The following SH3BP5 variants were observed in gnomAD, a reference collection of about 807,000 sequenced individuals.
SH3BP5 encodes the protein SH3 domain-binding protein 5.
SH3BP5 carries 22 observed loss-of-function variants against 43.3 expected under a neutral mutation model. The ratio of observed to expected loss-of-function variants is 0.51; its 90% confidence interval spans 0.36 to 0.73. The LOEUF (loss-of-function observed/expected upper bound fraction) is 0.73, where lower values mean the gene tolerates loss of function less well. Among genes scored for constraint, SH3BP5 ranks in the 30% least tolerant of loss-of-function variants. SH3BP5 has a pLI of 0.00. For synonymous variants in SH3BP5, 255 were observed against 225.8 expected (o/e 1.13, Z -1.16); for missense variants, 529 against 586.9 (o/e 0.90, Z 1.02).
chr3:15,322,246 C>T (rs916435618), intron 2 of SH3BP5, among the ~76,000 whole-genome samples: 1 of 151,824 alleles, frequency 6.6e-6, no homozygotes, highest in Non-Finnish European at 1.5e-5. Context: ...TTCTCATATG[C>T]ATATATTCTT....
chr3:15,308,626 C>T (rs1357040810), intron 2 of SH3BP5, among the ~76,000 whole-genome samples: 2 of 152,074 alleles, frequency 1.3e-5, no homozygotes, highest in African/African-American at 4.8e-5. Flanking sequence ...CGCCTCCTGG[C>T]CATTATAAAG....
intron 5 of SH3BP5, chr3:15,260,118 A>G (rs1392828160): frequency 9.7e-6 from 4 of 412,184 alleles, no homozygotes; most frequent in Non-Finnish European, 1.8e-5. Context: ...GGCTGTTCAG[A>G]GCCTCACAGG....
At chr3:15,311,290 G>GTGC (rs1326977869) in intron 2 of SH3BP5, among the ~76,000 whole-genome samples, 1 of 152,202 alleles carries the variant, frequency 6.6e-6, no homozygotes, top group African/African-American at 2.4e-5. Context: ...TGGAGGCCAG[G>GTGC]TGCGGTGGCT....
At chr3:15,293,958 G>A (rs1338757430) in intron 3 of SH3BP5, among the ~76,000 whole-genome samples, 1 of 151,328 alleles carries the variant, frequency 6.6e-6, no homozygotes, top group East Asian at 1.9e-4. Flanking sequence ...TGCACCTGTA[G>A]TCTCAGCTAC....
chr3:15,319,144 T>C (rs1477543787), intron 2 of SH3BP5, among the ~76,000 whole-genome samples: 1 of 152,206 alleles, frequency 6.6e-6, no homozygotes, highest in African/African-American at 2.4e-5. Flanking sequence ...TTTTTTCTAA[T>C]AGGTATTGAA....
intron 1 of SH3BP5, chr3:15,332,017 C>T: frequency 1.9e-6 from 1 of 539,026 alleles, no homozygotes; most frequent in Non-Finnish European, 3.2e-6. Context: ...AGGCACGCTG[C>T]ACCGACCCCG....
At chr3:15,277,035 C>G (rs1575300741) in intron 3 of SH3BP5, among the ~76,000 whole-genome samples, 1 of 152,092 alleles carries the variant, frequency 6.6e-6, no homozygotes, top group Non-Finnish European at 1.5e-5. Context: ...ACTGCAATCT[C>G]CACCTCCTGG....
rs369137203 is a variant in SH3BP5 at position 15,262,309 on chromosome 3, T to TCAGCCCAGTC, written c.496-30_496-21dup. 5 of 1,613,622 alleles carry TCAGCCCAGTC rather than the reference T, an allele frequency of 3.1e-6. No individual in the cohort carries two copies. The South Asian group carries it at 3.3e-5, about 11-fold the overall frequency. On this transcript the variant is annotated intron_variant, in intron 4 of 8. Transcript: ENST00000383791. ...CATGACCTTAAAATGACAGCAGAGT[T>TCAGCCCAGTC]CAGCCCAGTCCAGCCCAGAACAGCC...
chr3:15,298,714 T>C (rs1158870099), intron 3 of SH3BP5, among the ~76,000 whole-genome samples: 1 of 152,222 alleles, frequency 6.6e-6, no homozygotes, highest in Admixed American at 6.5e-5. Context: ...AAATATTGTA[T>C]GATTCCTCAG....
At chr3:15,298,374 A>G (rs1328125983) in intron 3 of SH3BP5, among the ~76,000 whole-genome samples, 2 of 152,184 alleles carry the variant, frequency 1.3e-5, no homozygotes, top group Admixed American at 1.3e-4. Flanking sequence ...ACAAGTTTCA[A>G]ATGTTTTCCC....
upstream of SH3BP5, among the ~76,000 whole-genome samples, chr3:15,336,032 G>C (rs894282558): frequency 1.3e-5 from 2 of 152,216 alleles, no homozygotes; most frequent in Non-Finnish European, 2.9e-5. Flanking sequence ...TACTCTGGAG[G>C]CTGAGGCAGG....
intron 3 of SH3BP5, chr3:15,273,388 A>C (rs1333755821): frequency 6.1e-6 from 6 of 985,276 alleles, no homozygotes; most frequent in Admixed American, 6.2e-5. Context: ...ATGAGTTCCA[A>C]ATAAGAGAAC....
At chr3:15,284,936 T>C (rs1407520244) in intron 3 of SH3BP5, among the ~76,000 whole-genome samples, 1 of 152,120 alleles carries the variant, frequency 6.6e-6, no homozygotes, top group East Asian at 1.9e-4. Context: ...CCCAGGACCT[T>C]TGGAGTTAAG....
At chr3:15,310,720 C>T (rs1012686069) in intron 2 of SH3BP5, among the ~76,000 whole-genome samples, 2 of 152,182 alleles carry the variant, frequency 1.3e-5, no homozygotes, top group Non-Finnish European at 2.9e-5. Context: ...AAACAGTTCC[C>T]TCTGCTTGGA....
chr3:15,324,117 C>A (rs368199458), intron 2 of SH3BP5, among the ~76,000 whole-genome samples: 2 of 152,200 alleles, frequency 1.3e-5, no homozygotes, highest in Admixed American at 6.5e-5. Flanking sequence ...CACCAAAGGT[C>A]CTGTTAACAC....
chr3:15,318,409 A>G (rs1370972323), intron 2 of SH3BP5, among the ~76,000 whole-genome samples: 1 of 151,972 alleles, frequency 6.6e-6, no homozygotes, highest in African/African-American at 2.4e-5. Context: ...GATATAACTT[A>G]CCAAGACTGT....
At chr3:15,333,107 G>C, upstream of SH3BP5, 1 of 985,518 alleles carries the variant, frequency 1.0e-6, no homozygotes, top group Non-Finnish European at 1.2e-6. Context: ...CAGGAGCATG[G>C]AGAATGCATT....
At chr3:15,340,112 G>T (rs1698748702) in intron 1 of SH3BP5, among the ~76,000 whole-genome samples, 1 of 152,030 alleles carries the variant, frequency 6.6e-6, no homozygotes, top group African/African-American at 2.4e-5. Context: ...CTTATCCATG[G>T]CTTATTAGTC....
chr3:15,296,084 G>A (rs980638720), intron 3 of SH3BP5, among the ~76,000 whole-genome samples: 1 of 152,174 alleles, frequency 6.6e-6, no homozygotes, highest in Non-Finnish European at 1.5e-5. Context: ...TCCCCTAGGA[G>A]CAAAGCCTTG....
Sources: allele counts gnomAD v4.1 joint callset (sites outside exome capture counted in the v4.1 genomes callset), GRCh38; gene constraint gnomAD v4.1.1; transcripts MANE v1.5; gene names NCBI Gene and HGNC (gene_info 2026-07-23, HGNC 2026-07-21).